Variants in CSNK2A2IP observed in about 807,000 individuals in gnomAD.
CSNK2A2IP encodes the protein casein kinase II subunit alpha'-interacting protein.
At chr3:88,421,379 A>T in the CSNK2A2IP span, among the ~76,000 whole-genome samples, 1 of 152,110 alleles carries the variant, frequency 6.6e-6, no homozygotes, top group African/African-American at 2.4e-5. Context: ...GCTACAATTA[A>T]GGTTCCCTAT....
chr3:88,441,470 A>C, the CSNK2A2IP span, among the ~76,000 whole-genome samples: 3 of 152,170 alleles, frequency 2.0e-5, no homozygotes, highest in Non-Finnish European at 4.4e-5. Context: ...AAAAAAAGGC[A>C]ATAAAAAAGT....
the CSNK2A2IP span, among the ~76,000 whole-genome samples, chr3:88,361,003 T>G: frequency 6.6e-6 from 1 of 152,146 alleles, no homozygotes; most frequent in Admixed American, 6.5e-5. Context: ...TTTAAATCCA[T>G]TCCCCACTCC....
At chr3:88,424,005 C>T in the CSNK2A2IP span, among the ~76,000 whole-genome samples, 2 of 152,102 alleles carry the variant, frequency 1.3e-5, no homozygotes, top group Non-Finnish European at 2.9e-5. Flanking sequence ...CTCCTGTCAC[C>T]ATCTTGATGG....
chr3:88,465,665 T>G, the CSNK2A2IP span: 1 of 1,231,558 alleles, frequency 8.1e-7, no homozygotes, highest in African/African-American at 1.6e-5. Flanking sequence ...ACACCTTCAA[T>G]AGGCCTCCAC....
chr3:88,368,991 A>G, the CSNK2A2IP span, among the ~76,000 whole-genome samples: 1 of 152,068 alleles, frequency 6.6e-6, no homozygotes, highest in African/African-American at 2.4e-5. Flanking sequence ...ATCTACCCTT[A>G]GGTAAATCAG....
At chr3:88,340,476 A>G in the CSNK2A2IP span, among the ~76,000 whole-genome samples, 6 of 151,996 alleles carry the variant, frequency 3.9e-5, no homozygotes, top group Non-Finnish European at 8.8e-5. Flanking sequence ...GTTATTTAAA[A>G]TTCCTCACTT....
chr3:88,435,248 C>G, the CSNK2A2IP span, among the ~76,000 whole-genome samples: 302 of 151,906 alleles, frequency 2.0e-3, no homozygotes, highest in African/African-American at 7.0e-3. Flanking sequence ...GTCCTCCACT[C>G]CCTGGGTTGG....
At chr3:88,401,425 A>G in the CSNK2A2IP span, among the ~76,000 whole-genome samples, 1 of 152,150 alleles carries the variant, frequency 6.6e-6, no homozygotes, top group Non-Finnish European at 1.5e-5. Context: ...TCTTCAGTTC[A>G]TGCAGCAAGT....
At chr3:88,357,021 A>C in the CSNK2A2IP span, among the ~76,000 whole-genome samples, 1 of 152,012 alleles carries the variant, frequency 6.6e-6, no homozygotes. Flanking sequence ...ATCCTTTGTC[A>C]GTTGAATAGT....
chr3:88,424,030 T>C, the CSNK2A2IP span, among the ~76,000 whole-genome samples: 1 of 152,170 alleles, frequency 6.6e-6, no homozygotes, highest in Admixed American at 6.6e-5. Flanking sequence ...TCTCTCCGTA[T>C]TTCAACTCGG....
At chr3:88,405,041 T>C in the CSNK2A2IP span, among the ~76,000 whole-genome samples, 1 of 152,114 alleles carries the variant, frequency 6.6e-6, no homozygotes, top group African/African-American at 2.4e-5. Flanking sequence ...TCCTGCTAGG[T>C]TGGTTTAGCT....
At chr3:88,442,500 A>G in the CSNK2A2IP span, among the ~76,000 whole-genome samples, 1 of 152,194 alleles carries the variant, frequency 6.6e-6, no homozygotes, top group African/African-American at 2.4e-5. Flanking sequence ...TAGAGTTGGT[A>G]CTATATGAGA....
the CSNK2A2IP span, chr3:88,465,047 T>G: frequency 4.7e-6 from 1 of 213,990 alleles, no homozygotes; most frequent in Non-Finnish European, 9.1e-6. Context: ...AATATTTCTA[T>G]CAGGACCTCT....
chr3:88,410,179 G>A, the CSNK2A2IP span, among the ~76,000 whole-genome samples: 1 of 151,990 alleles, frequency 6.6e-6, no homozygotes, highest in Non-Finnish European at 1.5e-5. Flanking sequence ...CAAAAAGAAG[G>A]CTCTGTGCAT....
the CSNK2A2IP span, among the ~76,000 whole-genome samples, chr3:88,349,905 A>G: frequency 6.6e-6 from 1 of 152,032 alleles, no homozygotes; most frequent in Non-Finnish European, 1.5e-5. Context: ...TGTTGAGCAG[A>G]AAATGGCAAT....
chr3:88,383,912 C>T, the CSNK2A2IP span, among the ~76,000 whole-genome samples: 1 of 152,104 alleles, frequency 6.6e-6, no homozygotes, highest in Admixed American at 6.5e-5. Flanking sequence ...ATCTGCCTGC[C>T]TCGGCCTCCC....
At chr3:88,395,896 T>C in the CSNK2A2IP span, among the ~76,000 whole-genome samples, 1 of 152,158 alleles carries the variant, frequency 6.6e-6, no homozygotes, top group Non-Finnish European at 1.5e-5. Context: ...TTATAATCAT[T>C]TATTACAATT....
the CSNK2A2IP span, among the ~76,000 whole-genome samples, chr3:88,415,434 T>C: frequency 6.6e-6 from 1 of 152,026 alleles, no homozygotes; most frequent in Non-Finnish European, 1.5e-5. Flanking sequence ...TAGACTGGTG[T>C]AGCGGAATCA....
chr3:88,374,605 A>G, the CSNK2A2IP span, among the ~76,000 whole-genome samples: 1 of 151,694 alleles, frequency 6.6e-6, no homozygotes. Flanking sequence ...AAAACAGCAT[A>G]TCAAAACGTA....
Sources: gnomAD v4.1 joint callset for allele counts (sites outside exome capture counted in the v4.1 genomes callset) on GRCh38, gnomAD v4.1.1 for gene constraint, MANE v1.5 for transcripts, NCBI Gene and HGNC (gene_info 2026-07-23, HGNC 2026-07-21) for gene names.